TUBGCP4: variants seen among roughly 807,000 people sequenced by gnomAD.
TUBGCP4 encodes the protein gamma-tubulin complex component 4.
A neutral mutation model predicts 91.6 loss-of-function variants in TUBGCP4; 54 were observed. The observed-to-expected ratio is 0.59, with a 90% CI of 0.47 to 0.74. The LOEUF (loss-of-function observed/expected upper bound fraction) is 0.74. TUBGCP4 is among the 30% of genes least tolerant of loss of function. TUBGCP4 has a pLI of 0.00. For missense variants in TUBGCP4, 593 were observed against 800.9 expected, an observed-to-expected ratio of 0.74 and a Z score of 3.13; for synonymous variants, 297 against 302.8, an observed-to-expected ratio of 0.98 and a Z score of 0.20.
chr15:43,405,448 A>T lies in TUBGCP4; in HGVS notation c.*234A>T. ...ACATGTGGCATCTCTGATCCTTTACATTGAGAACATTTGTTGGATATGTTC... is the reference window on the plus strand; with the variant it reads ...ACATGTGGCATCTCTGATCCTTTACTTTGAGAACATTTGTTGGATATGTTC... On this transcript the variant is annotated 3_prime_UTR_variant, in exon 18 of 18. Coordinates refer to ENST00000564079, the MANE Select transcript of TUBGCP4 (RefSeq NM_014444.5). The T allele has an allele frequency of 1.7e-6, 1 of 581,752 alleles. No individual in the cohort carries two copies. Among genetic ancestry groups the T allele is most frequent in the Non-Finnish European group, 3.1e-6 (1 of 326,698 alleles). 36.0% of individuals were successfully genotyped at this position (581,752 alleles called of 1,614,324 possible).
rs2044963562 is a variant in TUBGCP4, at chr15:43,407,827, T to G, written c.*2613T>G. On this transcript the variant is annotated 3_prime_UTR_variant, in exon 18 of 18. Transcript: ENST00000564079. ...TCTTGAAGGTGGTACTTTTCTTCTC[T>G]AAGAAACATGGATACGGTCAACCTA... 1 of 1,118,084 alleles carries G rather than the reference T, an allele frequency of 8.9e-7. No individual in the cohort carries two copies. The highest frequency in any genetic ancestry group is 1.3e-6 in the Non-Finnish European group (1 of 786,248). 69.3% of individuals were successfully genotyped at this position (1,118,084 alleles called of 1,614,324 possible). A position where few individuals can be genotyped will look rare whatever the true frequency, so the allele number is the denominator to read the frequency against.
chr15:43,382,468 G>A (rs1032415348), intron 6 of TUBGCP4, among the ~76,000 whole-genome samples: 3 of 151,982 alleles, frequency 2.0e-5, no homozygotes, highest in African/African-American at 7.3e-5. Flanking sequence ...CTTGCCTTTT[G>A]TTGTTCTTGG....
At position 43,383,323 on chromosome 15, in the gene TUBGCP4, G is replaced by A. The variant is rs760788655; in HGVS notation, c.542G>A (p.Gly181Glu). The change falls in exon 7 of 18, where the codon GGG (glycine) becomes GAG (glutamate). Residue 181 changes from glycine to glutamate, a missense_variant. Gly to Glu is a moderately conservative substitution (Grantham distance 98, BLOSUM62 -2). Coordinates refer to ENST00000564079, the MANE Select transcript of TUBGCP4 (RefSeq NM_014444.5). ...ALEKILAVCH[G>E]VMYKQLSAWM... ...CCCAGAATCCTGGCCGTTTGTCATGGGGTCATGTATAAACAGCTCTCAGCC... is the reference window on the plus strand; with the variant it reads ...CCCAGAATCCTGGCCGTTTGTCATGAGGTCATGTATAAACAGCTCTCAGCC... The A allele has an allele frequency of 6.2e-7, 1 of 1,613,526 alleles. No individual in the cohort carries two copies. The highest frequency in any genetic ancestry group is 8.5e-7 in the Non-Finnish European group (1 of 1,179,620).
At chr15:43,378,237 T>A (rs942440351) in intron 5 of TUBGCP4, among the ~76,000 whole-genome samples, 3 of 152,232 alleles carry the variant, frequency 2.0e-5, no homozygotes, top group Non-Finnish European at 2.9e-5. Flanking sequence ...AGAAAGTTAA[T>A]TCTTAGGAAG....
In TUBGCP4 at chr15:43,385,776, TC is replaced by T. The variant is rs755492786; in HGVS notation, c.724-14del. The T allele has an allele frequency of 2.9e-5, 46 of 1,607,950 alleles. No homozygotes were observed. Among genetic ancestry groups the T allele is most frequent in the Non-Finnish European group, 3.7e-5 (44 of 1,174,622 alleles). On this transcript the variant is annotated splice_polypyrimidine_tract_variant and intron_variant, in intron 7 of 17. Coordinates refer to ENST00000564079, the MANE Select transcript of TUBGCP4 (RefSeq NM_014444.5). ...CTTCACACTGCATCTCGATGTGTAC[TC>T]TTTCCTTGACTAGCGCCTGATTGAG...
At chr15:43,399,277 C>A in intron 13 of TUBGCP4, 1 of 504,376 alleles carries the variant, frequency 2.0e-6, no homozygotes, top group Non-Finnish European at 2.9e-6. Context: ...TGCAGGGAGG[C>A]AGGAGCGGGA....
intron 9 of TUBGCP4, among the ~76,000 whole-genome samples, chr15:43,386,650 G>C (rs1312862085): frequency 7.1e-6 from 1 of 140,410 alleles, no homozygotes; most frequent in African/African-American, 2.7e-5. Context: ...GCTTGAACCC[G>C]GGAGGCGGAG....
chr15:43,385,741 C>T, intron 7 of TUBGCP4, 50 bp from the exon 8 acceptor site: 1 of 1,595,920 alleles, frequency 6.3e-7, no homozygotes, highest in Non-Finnish European at 8.6e-7. Flanking sequence ...TTCTTGTTTT[C>T]CTTTTCTTGC....
chr15:43,400,462 G>A (rs1481469423), intron 14 of TUBGCP4, among the ~76,000 whole-genome samples: 1 of 152,108 alleles, frequency 6.6e-6, no homozygotes, highest in Non-Finnish European at 1.5e-5. Context: ...CAGTGGTACA[G>A]TCATAGCTCA....
In TUBGCP4 at chr15:43,383,378, G is replaced by A; in HGVS notation, c.597G>A (p.Gln199=). 1 of 1,614,166 alleles carries A rather than the reference G, an allele frequency of 6.2e-7. No individual in the cohort carries two copies. Among genetic ancestry groups the A allele is most frequent in the Non-Finnish European group, 8.5e-7 (1 of 1,180,026 alleles). ...AWMLHGLLLD[Q]HEEFFIKQGP... is the part of the protein sequence containing the mutation. ...TGCTCCATGGACTCCTCTTGGACCAGCATGAAGAATTCTTTATCAAACAGG... is the reference window on the plus strand; with the variant it reads ...TGCTCCATGGACTCCTCTTGGACCAACATGAAGAATTCTTTATCAAACAGG... Residue 199 remains glutamine (Q), a synonymous_variant, in exon 7 of 18, where the codon CAG becomes CAA. Coordinates refer to ENST00000564079, the MANE Select transcript of TUBGCP4 (RefSeq NM_014444.5).
At position 43,377,846 on chromosome 15, in the gene TUBGCP4, G is replaced by A; in HGVS notation, c.385-1G>A. The A allele has an allele frequency of 6.2e-7, 1 of 1,601,760 alleles. No homozygotes were observed. Among genetic ancestry groups the A allele is most frequent in the East Asian group, 2.2e-5 (1 of 44,664 alleles). On this transcript the variant is annotated splice_acceptor_variant, in intron 4 of 17. Transcript: ENST00000564079. LOFTEE classifies it high-confidence loss of function. ...CCTTCTAATTATTCTCTACTTTGCA[G>A]TTCCAGCTTCTTTTTCCCTCTGTGA...
intron 9 of TUBGCP4, among the ~76,000 whole-genome samples, chr15:43,390,268 A>G (rs1053975356): frequency 2.6e-5 from 4 of 152,190 alleles, no homozygotes; most frequent in African/African-American, 9.6e-5. Context: ...TACCTGAAAA[A>G]TAATCTAAGC....
At chr15:43,374,495 C>T (rs2044172595) in intron 1 of TUBGCP4, among the ~76,000 whole-genome samples, 1 of 152,088 alleles carries the variant, frequency 6.6e-6, no homozygotes, top group African/African-American at 2.4e-5. Flanking sequence ...GCCTGTAGTC[C>T]TAGCTACTCT....
intron 1 of TUBGCP4, among the ~76,000 whole-genome samples, chr15:43,373,326 ATAAT>A (rs1345894085): frequency 1.3e-5 from 2 of 152,202 alleles, no homozygotes; most frequent in African/African-American, 4.8e-5. Flanking sequence ...CTGTTTCAGA[ATAAT>A]TAGATATTGA....
chr15:43,385,278 G>A, intron 7 of TUBGCP4: 1 of 451,226 alleles, frequency 2.2e-6, no homozygotes, highest in Non-Finnish European at 4.5e-6. Flanking sequence ...AATGTTATAT[G>A]TCTGTACATT....
At chr15:43,376,411 T>A in intron 2 of TUBGCP4, 92 bp from the exon 3 acceptor site, 1 of 1,612,472 alleles carries the variant, frequency 6.2e-7, no homozygotes, top group Non-Finnish European at 8.5e-7. Flanking sequence ...TTGGTTTGTT[T>A]GTATAACTTT....
At chr15:43,378,250 G>A (rs1039450067) in intron 5 of TUBGCP4, among the ~76,000 whole-genome samples, 2 of 152,314 alleles carry the variant, frequency 1.3e-5, no homozygotes, top group East Asian at 3.9e-4. Flanking sequence ...TTAGGAAGAA[G>A]GTAATAGGTT....
intron 2 of TUBGCP4, 51 bp downstream of exon 2, chr15:43,376,277 C>G: frequency 1.9e-6 from 3 of 1,609,638 alleles, no homozygotes; most frequent in Non-Finnish European, 2.5e-6. Flanking sequence ...GGAGCTATGT[C>G]AAGCTTTCAC....
chr15:43,401,950 T>A, intron 15 of TUBGCP4, 100 bp downstream of exon 15: 2 of 1,449,390 alleles, frequency 1.4e-6, no homozygotes, highest in African/African-American at 2.8e-5. Context: ...TAAGCAATTA[T>A]TCAAGTCCAT....
Sources: allele counts gnomAD v4.1 joint callset (sites outside exome capture counted in the v4.1 genomes callset), GRCh38; gene constraint gnomAD v4.1.1; transcripts MANE v1.5; gene names NCBI Gene and HGNC (gene_info 2026-07-23, HGNC 2026-07-21).